The following UST variants were observed in gnomAD, a reference collection of about 807,000 sequenced individuals.
UST encodes uronyl 2-sulfotransferase.
Under a neutral mutation model 45.6 loss-of-function variants are expected in UST, and 21 were observed. The ratio of observed to expected loss-of-function variants is 0.46; its 90% CI spans 0.33 to 0.66. UST has a LOEUF of 0.66. Ranked by LOEUF, UST falls within the 30% of genes least tolerant of loss-of-function variation. The pLI is 0.02. For missense variants in UST, 463 were observed against 512.4 expected, an observed-to-expected ratio of 0.90 and a Z score of 0.93; for synonymous variants, 215 against 200.6, an observed-to-expected ratio of 1.07 and a Z score of -0.61.
chr6:148,787,666 A>G (rs919895145), intron 1 of UST, among the ~76,000 whole-genome samples: 1 of 152,202 alleles, frequency 6.6e-6, no homozygotes, highest in African/African-American at 2.4e-5. Context: ...TGCCTTGGCT[A>G]TTCAGGCTCT....
chr6:148,998,761 AC>A (rs1337588729), intron 5 of UST, among the ~76,000 whole-genome samples: 1 of 152,228 alleles, frequency 6.6e-6, no homozygotes, highest in Non-Finnish European at 1.5e-5. Flanking sequence ...AGTCCCATTG[AC>A]TGTATGCTTC....
intron 5 of UST, among the ~76,000 whole-genome samples, chr6:148,968,060 C>T (rs1780839069): frequency 6.6e-6 from 1 of 152,158 alleles, no homozygotes; most frequent in African/African-American, 2.4e-5. Flanking sequence ...AAGTCCCTGC[C>T]AGGAGGAGAA....
chr6:148,846,568 G>A (rs1384179526), intron 1 of UST, among the ~76,000 whole-genome samples: 2 of 151,568 alleles, frequency 1.3e-5, no homozygotes, highest in South Asian at 4.2e-4. Flanking sequence ...TGCACATTGT[G>A]CACATGTACC....
chr6:148,777,704 C>G (rs900993101), intron 1 of UST, among the ~76,000 whole-genome samples: 1 of 152,196 alleles, frequency 6.6e-6, no homozygotes, highest in South Asian at 2.1e-4. Context: ...GCCACCACAC[C>G]CAGCTACTTT....
At chr6:148,960,930 T>G (rs1671602609) in intron 4 of UST, among the ~76,000 whole-genome samples, 1 of 152,164 alleles carries the variant, frequency 6.6e-6, no homozygotes, top group South Asian at 2.1e-4. Context: ...CCCTAGTGCT[T>G]TGTGTAGCTG....
At chr6:148,979,143 C>T (rs1453606029) in intron 5 of UST, among the ~76,000 whole-genome samples, 1 of 152,198 alleles carries the variant, frequency 6.6e-6, no homozygotes, top group Non-Finnish European at 1.5e-5. Flanking sequence ...TCATTGTCAA[C>T]CACCTGTGTC....
In UST at chr6:149,021,501, A is replaced by C. The variant is rs762310035; in HGVS notation, c.937+20A>C. ...ACCCAGGTAACTTCATTTGTAAGCA[A>C]GCTCTTCTCCATGAGAGGTCTGTGT... On this transcript the variant is annotated intron_variant, in intron 7 of 7. Transcript: ENST00000367463. 17 of 1,613,554 alleles carry C rather than the reference A, an allele frequency of 1.1e-5. No homozygotes were observed. The highest frequency in any genetic ancestry group is 1.4e-5 in the Non-Finnish European group (17 of 1,179,606).
intron 5 of UST, among the ~76,000 whole-genome samples, chr6:148,980,013 A>G (rs968008190): frequency 2.0e-5 from 3 of 152,142 alleles, no homozygotes; most frequent in Non-Finnish European, 4.4e-5. Context: ...CCCATCCCAA[A>G]TGGGCTTATT....
intron 4 of UST, chr6:148,956,092 C>T (rs1780492609): frequency 6.6e-6 from 1 of 152,194 alleles, no homozygotes; most frequent in African/African-American, 2.4e-5. Flanking sequence ...GGCCTCCCAA[C>T]TGGTCATGAT....
At chr6:148,852,726 G>A (rs755095769) in intron 1 of UST, among the ~76,000 whole-genome samples, 2 of 152,038 alleles carry the variant, frequency 1.3e-5, no homozygotes, top group African/African-American at 2.4e-5. Context: ...TGAAGCTCAG[G>A]TAGCATCTTC....
intron 5 of UST, among the ~76,000 whole-genome samples, chr6:148,996,053 C>T (rs775143820): frequency 6.6e-6 from 1 of 152,182 alleles, no homozygotes; most frequent in African/African-American, 2.4e-5. Context: ...GTAAGAGCAG[C>T]GTTGAAGGAT....
intron 5 of UST, chr6:148,990,415 A>T (rs958725791): frequency 2.0e-5 from 20 of 985,258 alleles, no homozygotes; most frequent in Non-Finnish European, 2.4e-5. Flanking sequence ...GCCAAAGGAG[A>T]TGTTTCATGA....
intron 2 of UST, among the ~76,000 whole-genome samples, chr6:148,924,594 G>T (rs77166871): frequency 0.053 from 8,049 of 152,260 alleles, 624 homozygotes; most frequent in African/African-American, 0.17. Context: ...TTGCATTTGA[G>T]CAGAGCAATG....
intron 7 of UST, among the ~76,000 whole-genome samples, chr6:149,070,491 A>T (rs1037249824): frequency 6.6e-6 from 1 of 152,254 alleles, no homozygotes; most frequent in African/African-American, 2.4e-5. Flanking sequence ...TTATCTATTT[A>T]CAAGGATCTA....
chr6:149,019,731 A>G (rs1272942558), intron 6 of UST, among the ~76,000 whole-genome samples: 1 of 152,178 alleles, frequency 6.6e-6, no homozygotes, highest in Admixed American at 6.5e-5. Context: ...GGCAGAGAAG[A>G]AAGTGTTTTA....
intron 5 of UST, among the ~76,000 whole-genome samples, chr6:148,995,981 G>A (rs1781446295): frequency 1.3e-5 from 2 of 152,218 alleles, no homozygotes; most frequent in South Asian, 4.1e-4. Context: ...TTCAGCAGGG[G>A]GTGGGGGCAG....
chr6:148,964,734 CGG>C (rs1437852133), intron 5 of UST, 171 bp downstream of exon 5: 8 of 749,142 alleles, frequency 1.1e-5, no homozygotes, highest in Non-Finnish European at 1.7e-5. Flanking sequence ...AAACTGGTTC[CGG>C]GTGACCCAGA....
At chr6:148,877,887 T>C (rs1271624826) in intron 1 of UST, among the ~76,000 whole-genome samples, 8 of 74,036 alleles carry the variant, frequency 1.1e-4, no homozygotes, top group Admixed American at 2.0e-4. Context: ...GGATCGTGTA[T>C]GAGTTTGGGG....
chr6:149,016,142 A>C (rs923387047), intron 5 of UST, among the ~76,000 whole-genome samples: 22 of 152,216 alleles, frequency 1.4e-4, no homozygotes, highest in Non-Finnish European at 1.5e-4. Context: ...GTTGTGATGA[A>C]TGCCGTTCAT....
Sources: allele counts gnomAD v4.1 joint callset (sites outside exome capture counted in the v4.1 genomes callset), GRCh38; gene constraint gnomAD v4.1.1; transcripts MANE v1.5; gene names NCBI Gene and HGNC (gene_info 2026-07-23, HGNC 2026-07-21).